The following KDM2A variants were observed in gnomAD, a reference collection of about 807,000 sequenced individuals.
KDM2A encodes lysine-specific demethylase 2A.
Under a neutral mutation model 137.3 loss-of-function variants are expected in KDM2A, and 3 were observed. The observed-to-expected ratio is 0.02, with a 90% CI of 0.01 to 0.06. The LOEUF (loss-of-function observed/expected upper bound fraction) is 0.06. Ranked by LOEUF, KDM2A falls within the 10% of genes least tolerant of loss-of-function variation. The probability of loss-of-function intolerance (pLI) is 1.00; values close to 1 mark genes in which losing one functional copy is unlikely to be tolerated. For missense variants in KDM2A, 738 were observed against 1,510.6 expected, an observed-to-expected ratio of 0.49 and a Z score of 8.48; for synonymous variants, 512 against 541.5, an observed-to-expected ratio of 0.95 and a Z score of 0.76.
Position 67,231,554 on chromosome 11 carries a change from T to G in KDM2A, c.1085-12T>G. 6.4e-7 allele frequency: 1 copy of G among 1,571,420 alleles called. No homozygotes were observed. The highest frequency in any genetic ancestry group is 8.6e-7 in the Non-Finnish European group (1 of 1,158,490). On this transcript the variant is annotated splice_polypyrimidine_tract_variant and intron_variant, in intron 11 of 20. Transcript: ENST00000529006. ...GAAATGTTCTTACTGCATTTTTTCT[T>G]CATATTGGTAGATTTGGAGTTAAAT...
chr11:67,147,261 G>A (rs1856273886), intron 2 of KDM2A, among the ~76,000 whole-genome samples: 1 of 152,094 alleles, frequency 6.6e-6, no homozygotes, highest in Admixed American at 6.6e-5. Context: ...ACTTCCACTG[G>A]GCCGGGTGCG....
chr11:67,169,187 C>T (rs928828962), intron 2 of KDM2A, among the ~76,000 whole-genome samples: 3 of 151,900 alleles, frequency 2.0e-5, no homozygotes, highest in Non-Finnish European at 2.9e-5. Context: ...AACTCCTGAC[C>T]TCGTAATCCA....
Position 67,243,109 on chromosome 11 carries a change from C to T in KDM2A, c.1563+17C>T, listed in dbSNP as rs550733480. 9 of 1,583,318 alleles carry T rather than the reference C, an allele frequency of 5.7e-6. No individual in the cohort carries two copies. In the East Asian group the frequency reaches 1.3e-4, roughly 24 times the overall value. Reference sequence around the variant, plus strand: ...AGGGATAAGGTAAGAAACTATTTTCCTTGATCTTTAGGCTGCTTAAGCCTT... The same window carrying T: ...AGGGATAAGGTAAGAAACTATTTTCTTTGATCTTTAGGCTGCTTAAGCCTT... On this transcript the variant is annotated intron_variant, in intron 13 of 20. Transcript: ENST00000529006.
intron 1 of KDM2A, among the ~76,000 whole-genome samples, chr11:67,120,788 A>G (rs913571027): frequency 2.0e-5 from 3 of 152,184 alleles, no homozygotes; most frequent in Admixed American, 6.5e-5. Context: ...CTCTTTTTAC[A>G]TAGTCAGTTT....
intron 5 of KDM2A, among the ~76,000 whole-genome samples, chr11:67,188,776 G>A (rs926766516): frequency 8.3e-5 from 11 of 132,420 alleles, no homozygotes; most frequent in Non-Finnish European, 1.7e-4. Context: ...GGGTGACAGA[G>A]CAAGACACTG....
At chr11:67,238,348 C>T (rs1027694730) in intron 12 of KDM2A, among the ~76,000 whole-genome samples, 3 of 152,136 alleles carry the variant, frequency 2.0e-5, no homozygotes, top group African/African-American at 7.2e-5. Context: ...TATGTTTTCT[C>T]TTAAGTATTC....
intron 10 of KDM2A, among the ~76,000 whole-genome samples, chr11:67,223,162 A>C (rs1221748535): frequency 6.6e-6 from 1 of 150,476 alleles, no homozygotes; most frequent in Non-Finnish European, 1.5e-5. Flanking sequence ...ATTGCACTCC[A>C]GCCTGGGCGA....
At chr11:67,226,687 A>G (rs1858556625) in intron 10 of KDM2A, among the ~76,000 whole-genome samples, 1 of 152,200 alleles carries the variant, frequency 6.6e-6, no homozygotes, top group Non-Finnish European at 1.5e-5. Flanking sequence ...GCGCCACTGC[A>G]CTCCAGCCTG....
At chr11:67,139,229 C>CTT (rs933462120) in intron 2 of KDM2A, among the ~76,000 whole-genome samples, 13 of 145,594 alleles carry the variant, frequency 8.9e-5, no homozygotes, top group African/African-American at 3.0e-4. Flanking sequence ...AAGATTGCTA[C>CTT]TTTTTTTTTT....
rs80298919 is a variant in KDM2A, at chr11:67,196,218, G to T, written c.308-11292G>T. The T allele has an allele frequency of 4.5e-3, 2,057 of 455,744 alleles. 93 individuals are homozygous for T. The East Asian group carries it at 0.1, about 23-fold the overall frequency. 28.2% of individuals were successfully genotyped at this position (455,744 alleles called of 1,614,324 possible). ...AATCATCCATGGTGCACGAGCAGGG[G>T]CTTGCAGCCCATGAGCCTCAGATGC... On this transcript the variant is annotated intron_variant, in intron 5 of 20. Transcript: ENST00000529006.
At chr11:67,240,152 C>T in intron 12 of KDM2A, 2 of 1,463,274 alleles carry the variant, frequency 1.4e-6, no homozygotes, top group Non-Finnish European at 1.8e-6. Context: ...GCCCAGAGCG[C>T]TGCACGCTGC....
intron 11 of KDM2A, among the ~76,000 whole-genome samples, chr11:67,229,884 A>C (rs1858658353): frequency 6.7e-6 from 1 of 149,606 alleles, no homozygotes; most frequent in African/African-American, 2.5e-5. Flanking sequence ...AGAAAAAAAA[A>C]AATACATCTA....
At chr11:67,212,363 T>C (rs1287471481) in intron 6 of KDM2A, among the ~76,000 whole-genome samples, 1 of 152,194 alleles carries the variant, frequency 6.6e-6, no homozygotes, top group Non-Finnish European at 1.5e-5. Flanking sequence ...ATGCCTGTTA[T>C]AGGAGCTAGC....
In KDM2A at chr11:67,255,417, C is replaced by G. The variant is rs1412841503; in HGVS notation, c.*362C>G. ...TGTGCCCCTCCTCCCCATCCATGGT[C>G]CCCAGCAGTGCCTGGTTCTGAGCAA... On this transcript the variant is annotated 3_prime_UTR_variant, in exon 21 of 21. Coordinates refer to ENST00000529006, the MANE Select transcript of KDM2A (RefSeq NM_012308.3). 2.1e-6 allele frequency: 1 copy of G among 469,102 alleles called. No homozygotes were observed. The highest frequency in any genetic ancestry group is 4.2e-6 in the Non-Finnish European group (1 of 235,640). 29.1% of individuals were successfully genotyped at this position (469,102 alleles called of 1,614,324 possible). A position where few individuals can be genotyped will look rare whatever the true frequency, so the allele number is the denominator to read the frequency against.
At chr11:67,188,278 C>G (rs1479460815) in intron 5 of KDM2A, among the ~76,000 whole-genome samples, 2 of 151,784 alleles carry the variant, frequency 1.3e-5, no homozygotes, top group African/African-American at 2.4e-5. Flanking sequence ...GTCAGGAGAT[C>G]GAGACCATCC....
chr11:67,202,727 G>A (rs1193248306), intron 5 of KDM2A, among the ~76,000 whole-genome samples: 1 of 149,016 alleles, frequency 6.7e-6, no homozygotes, highest in Non-Finnish European at 1.5e-5. Flanking sequence ...AGTGAGCCGA[G>A]ATCGCGCCAC....
chr11:67,220,844 A>G (rs768368469), intron 10 of KDM2A, among the ~76,000 whole-genome samples: 15 of 152,338 alleles, frequency 9.8e-5, no homozygotes, highest in Admixed American at 4.6e-4. Flanking sequence ...TGAATTTCAG[A>G]TAACTTTAAC....
chr11:67,141,492 C>T (rs1224332942), intron 2 of KDM2A, among the ~76,000 whole-genome samples: 4 of 151,308 alleles, frequency 2.6e-5, no homozygotes, highest in Non-Finnish European at 5.9e-5. Context: ...TGGTGAAACC[C>T]CGTCTCTACT....
At chr11:67,217,503 T>C (rs1334481687) in intron 8 of KDM2A, 2 of 539,196 alleles carry the variant, frequency 3.7e-6, no homozygotes, top group Non-Finnish European at 6.7e-6. Context: ...GGATGGTGTA[T>C]AGTCAAACCC....
Sources: allele counts gnomAD v4.1 joint callset (sites outside exome capture counted in the v4.1 genomes callset), GRCh38; gene constraint gnomAD v4.1.1; transcripts MANE v1.5; gene names NCBI Gene and HGNC (gene_info 2026-07-23, HGNC 2026-07-21).